The following PRDM15 variants were observed in gnomAD, a reference collection of about 807,000 sequenced individuals.
PRDM15 encodes PR/SET domain 15.
A neutral mutation model predicts 128.6 loss-of-function variants in PRDM15; 64 were observed. The ratio of observed to expected loss-of-function variants is 0.50; its 90% CI spans 0.41 to 0.61. The LOEUF is 0.61. Among genes scored for constraint, PRDM15 ranks in the 20% least tolerant of loss-of-function variants. The pLI is 0.00. For synonymous variants in PRDM15, 615 were observed against 621.8 expected (o/e 0.99, Z 0.16); for missense variants, 1,242 against 1,569.1 (o/e 0.79, Z 3.52).
At position 41,828,903 on chromosome 21, in the gene PRDM15, CACAAAT is replaced by C. The variant is rs2062569274; in HGVS notation, c.1367-576_1367-571del. Among the ~76,000 whole-genome samples, 1 of 151,888 alleles carries C rather than the reference CACAAAT, an allele frequency of 6.6e-6. No homozygotes were observed. Among genetic ancestry groups the C allele is most frequent in the African/African-American group, 2.4e-5 (1 of 41,290 alleles). On this transcript the variant is annotated intron_variant, in intron 11 of 23. Coordinates refer to ENST00000398548, the MANE Select transcript of PRDM15 (RefSeq NM_001040424.3). This position sits in a 1 kb window ranked among gnomAD's most constrained non-coding sequence, Gnocchi z 5.7. ...TCAGCACACACACAATCACACACCA[CACAAAT>C]ACAAACACACTCAACACACACCCCC...
At chr21:41,871,729 T>C (rs2064220218) in intron 1 of PRDM15, 2 of 1,273,224 alleles carry the variant, frequency 1.6e-6, no homozygotes, top group Non-Finnish European at 2.1e-6. Context: ...TTGTTACCAC[T>C]GACAGCCAAT....
At position 41,854,665 on chromosome 21, in the gene PRDM15, C is replaced by A; in HGVS notation, c.439G>T (p.Asp147Tyr). ...CGCAGCTCGGTACCCGGGGGGATGT[C>A]TCTGGAGGTGGTGAAGTACACGTCG... ...GSDVYFTTSR[D>Y]IPPGTELRVW... Residue 147 changes from aspartate (D) to tyrosine (Y), a missense_variant, in exon 5 of 24, where the codon GAC becomes TAC. Coordinates refer to ENST00000398548, the MANE Select transcript of PRDM15 (RefSeq NM_001040424.3). The surrounding 1 kb of genome is among the most constrained non-coding windows in gnomAD (Gnocchi z 4.6). 2 of 1,613,826 alleles carry A rather than the reference C, an allele frequency of 1.2e-6. No homozygotes were observed. The highest frequency in any genetic ancestry group is 1.7e-6 in the Non-Finnish European group (2 of 1,180,010).
Position 41,850,511 on chromosome 21 carries a change from C to T in PRDM15, c.539-3320G>A, listed in dbSNP as rs934500096. 5.3e-5 allele frequency among the ~76,000 whole-genome samples: 8 copies of T among 152,070 alleles called. No homozygotes were observed. The South Asian group carries it at 8.3e-4, about 16-fold the overall frequency. ...CACTTCGGAAGGTGGGAGGATTGCC[C>T]GAATCCATGAGTTCAAGACCAGCCT... On this transcript the variant is annotated intron_variant, in intron 5 of 23. Transcript: ENST00000398548.
chr21:41,839,741 C>A lies in PRDM15; in HGVS notation c.753G>T (p.Val251=). Residue 251 remains valine, a synonymous_variant, in exon 7 of 24, where the codon GTG becomes GTT. Coordinates refer to ENST00000398548, the MANE Select transcript of PRDM15 (RefSeq NM_001040424.3). ...QDTPRGEPPA[V]PESENVATKE... Reference sequence around the variant, plus strand: ...TGGTGGCAACATTCTCGCTCTCGGGCACTGCAGGGGGTTCCCCCCGGGGTG... The same window carrying A: ...TGGTGGCAACATTCTCGCTCTCGGGAACTGCAGGGGGTTCCCCCCGGGGTG... 1 of 1,614,258 alleles carries A rather than the reference C, an allele frequency of 6.2e-7. No homozygotes were observed. Among genetic ancestry groups the A allele is most frequent in the Non-Finnish European group, 8.5e-7 (1 of 1,180,040 alleles).
At chr21:41,878,720 G>A (rs745927535) in intron 1 of PRDM15, 1 of 1,574,084 alleles carries the variant, frequency 6.4e-7, no homozygotes, top group East Asian at 2.5e-5. Context: ...CTAAACGCGG[G>A]GTTGGGGGTC....
At chr21:41,806,718 C>T (rs1341924578) in intron 21 of PRDM15, among the ~76,000 whole-genome samples, 1 of 101,232 alleles carries the variant, frequency 9.9e-6, no homozygotes, top group Non-Finnish European at 2.0e-5. Context: ...CCACCAACAT[C>T]ACCACCATCA....
Position 41,810,476 on chromosome 21 carries a change from C to T in PRDM15, c.2477-147G>A. 1 of 866,914 alleles carries T rather than the reference C, an allele frequency of 1.2e-6. No individual in the cohort carries two copies. The highest frequency in any genetic ancestry group is 1.8e-6 in the Non-Finnish European group (1 of 563,164). 53.7% of individuals were successfully genotyped at this position (866,914 alleles called of 1,614,324 possible). On this transcript the variant is annotated intron_variant, in intron 20 of 23. Transcript: ENST00000398548. The surrounding 1 kb of genome is among the most constrained non-coding windows in gnomAD (Gnocchi z 6.4). ...ATCCTGAGAGGGCCGGTGCTGGTCC[C>T]CGAGCACACATGAGCACAGAGCCTC...
In PRDM15 at chr21:41,859,481, T is replaced by C. The variant is rs2063744135; in HGVS notation, c.131+111A>G. On this transcript the variant is annotated intron_variant, in intron 3 of 23. Coordinates refer to ENST00000398548, the MANE Select transcript of PRDM15 (RefSeq NM_001040424.3). The surrounding 1 kb of genome is among the most constrained non-coding windows in gnomAD (Gnocchi z 5.3). ...CGGAATCGCTGGCTCTCACTCAGAG[T>C]GCCTCTGTTCTCCCTCAGGCTCCTT... 8 of 854,794 alleles carry C rather than the reference T, an allele frequency of 9.4e-6. No homozygotes were observed. The highest frequency in any genetic ancestry group is 2.9e-4 in the Middle Eastern group (1 of 3,476). 53.0% of individuals were successfully genotyped at this position (854,794 alleles called of 1,614,324 possible).
chr21:41,819,468 C>G, intron 18 of PRDM15, 114 bp downstream of exon 18: 2 of 626,146 alleles, frequency 3.2e-6, no homozygotes, highest in East Asian at 1.0e-4. Flanking sequence ...CGGCCCCCGC[C>G]CCCGCCACAC....
rs1217070985 is a variant in PRDM15, at chr21:41,859,477, A to G, written c.131+115T>C. On this transcript the variant is annotated intron_variant, in intron 3 of 23. Coordinates refer to ENST00000398548, the MANE Select transcript of PRDM15 (RefSeq NM_001040424.3). The surrounding 1 kb of genome is among the most constrained non-coding windows in gnomAD (Gnocchi z 5.3). ...GGAGCGGAATCGCTGGCTCTCACTC[A>G]GAGTGCCTCTGTTCTCCCTCAGGCT... 2.4e-6 allele frequency: 2 copies of G among 840,114 alleles called. No individual in the cohort carries two copies. Among genetic ancestry groups the G allele is most frequent in the African/African-American group, 1.7e-5 (1 of 58,242 alleles). The allele number at this position is 840,114 out of a possible 1,614,324, so 52.0% of individuals were successfully genotyped here.
chr21:41,853,578 C>A (rs984300357), intron 5 of PRDM15, among the ~76,000 whole-genome samples: 5 of 152,190 alleles, frequency 3.3e-5, no homozygotes, highest in Admixed American at 2.0e-4. Flanking sequence ...TGAGGAGGAT[C>A]TATGTCAAAA....
chr21:41,819,124 T>C (rs2062155026), intron 18 of PRDM15, among the ~76,000 whole-genome samples: 1 of 152,376 alleles, frequency 6.6e-6, no homozygotes, highest in South Asian at 2.1e-4. Flanking sequence ...TCTGGACTAC[T>C]TGATTTTTCT....
intron 4 of PRDM15, among the ~76,000 whole-genome samples, chr21:41,856,820 G>A (rs1262649248): frequency 2.0e-5 from 3 of 152,180 alleles, no homozygotes; most frequent in Non-Finnish European, 4.4e-5. Flanking sequence ...GCTCTGCACA[G>A]GTGTGGAAAT....
At chr21:41,818,540 G>A (rs541886905) in intron 18 of PRDM15, among the ~76,000 whole-genome samples, 1 of 152,300 alleles carries the variant, frequency 6.6e-6, no homozygotes, top group African/African-American at 2.4e-5. Flanking sequence ...CTGAGGTGAG[G>A]AACAGAGGGC....
At chr21:41,873,754 T>C (rs562388162) in intron 1 of PRDM15, among the ~76,000 whole-genome samples, 1 of 152,286 alleles carries the variant, frequency 6.6e-6, no homozygotes, top group African/African-American at 2.4e-5. Context: ...ATCTTAAAAA[T>C]GGAAACTCTG....
In PRDM15 at chr21:41,810,101, T is replaced by A; in HGVS notation, c.2652+53A>T. On this transcript the variant is annotated intron_variant, in intron 21 of 23. Coordinates refer to ENST00000398548, the MANE Select transcript of PRDM15 (RefSeq NM_001040424.3). The surrounding 1 kb of genome is among the most constrained non-coding windows in gnomAD (Gnocchi z 6.4). ...TGGGCCATGTGCCAGCATGGGGGTG[T>A]CCGGTGCGCGGCCCGCTGGCGGGGC... 3.9e-6 allele frequency: 6 copies of A among 1,551,762 alleles called. No homozygotes were observed. The highest frequency in any genetic ancestry group is 1.2e-5 in the South Asian group (1 of 85,818).
At chr21:41,807,002 CCACCACCATCACCAA>C (rs927789886) in intron 21 of PRDM15, among the ~76,000 whole-genome samples, 85 of 151,566 alleles carry the variant, frequency 5.6e-4, no homozygotes, top group Middle Eastern at 3.4e-3. Context: ...ATCACCTCTA[CCACCACCATCACCAA>C]CACCACCATC....
Position 41,862,037 on chromosome 21 carries a change from G to A in PRDM15, c.-9-1665C>T. On this transcript the variant is annotated intron_variant, in intron 1 of 23. Coordinates refer to ENST00000398548, the MANE Select transcript of PRDM15 (RefSeq NM_001040424.3). This position sits in a 1 kb window ranked among gnomAD's most constrained non-coding sequence, Gnocchi z 4.1. ...GGATGGGCACCTCGGCGCAAATAGG[G>A]ACCAGTCTGGGATGGGGGCTCAGCT... The A allele has an allele frequency of 6.5e-7, 1 of 1,542,416 alleles. No individual in the cohort carries two copies.
chr21:41,824,126 G>T (rs564323491), intron 13 of PRDM15, among the ~76,000 whole-genome samples: 1 of 151,938 alleles, frequency 6.6e-6, no homozygotes, highest in Non-Finnish European at 1.5e-5. Context: ...TATTCCCAGC[G>T]GCCACGTAAT....
Sources: allele counts gnomAD v4.1 joint callset (sites outside exome capture counted in the v4.1 genomes callset), GRCh38; gene constraint gnomAD v4.1.1; non-coding constraint Gnocchi (gnomAD v3.1); transcripts MANE v1.5; gene names NCBI Gene and HGNC (gene_info 2026-07-23, HGNC 2026-07-21).